The following FAAP20 variants were observed in gnomAD, a reference collection of about 807,000 sequenced individuals.
FAAP20 encodes the protein FA core complex associated protein 20.
FAAP20 carries 12 observed loss-of-function variants against 16.2 expected under a neutral mutation model. The ratio of observed to expected loss-of-function variants is 0.74; its 90% CI spans 0.48 to 1.20. The LOEUF (loss-of-function observed/expected upper bound fraction) is 1.20, where lower values mean the gene tolerates loss of function less well. Ranked by LOEUF, FAAP20 falls within the 50% of genes most tolerant of loss-of-function variation. FAAP20 has a pLI of 0.00. For missense variants in FAAP20, 288 were observed against 245.8 expected, an observed-to-expected ratio of 1.17 and a Z score of -1.15; for synonymous variants, 141 against 110.7, an observed-to-expected ratio of 1.27 and a Z score of -1.72.
At chr1:2,207,352 T>C (rs1434647196), downstream of FAAP20, among the ~76,000 whole-genome samples, 4 of 152,174 alleles carry the variant, frequency 2.6e-5, no homozygotes, top group Non-Finnish European at 5.9e-5. Context: ...TGGGAGAGGC[T>C]GAAGACAGTC....
upstream of FAAP20, among the ~76,000 whole-genome samples, chr1:2,195,136 A>C (rs1688755590): frequency 6.6e-6 from 1 of 152,020 alleles, no homozygotes; most frequent in African/African-American, 2.4e-5. Flanking sequence ...CTCTCCTCCC[A>C]GGACCATTCC....
chr1:2,209,603 G>A (rs932853678), downstream of FAAP20, among the ~76,000 whole-genome samples: 6 of 152,260 alleles, frequency 3.9e-5, no homozygotes, highest in African/African-American at 1.4e-4. Flanking sequence ...GCTCAGGCCA[G>A]GGGCCTCCCG....
downstream of FAAP20, chr1:2,185,037 G>C: frequency 5.7e-6 from 9 of 1,576,730 alleles, no homozygotes; most frequent in Non-Finnish European, 7.8e-6. Flanking sequence ...TCGTGGACAC[G>C]CGTGATTGAC....
downstream of FAAP20, among the ~76,000 whole-genome samples, chr1:2,208,838 A>C (rs934056003): frequency 1.6e-4 from 25 of 152,334 alleles, no homozygotes; most frequent in African/African-American, 5.8e-4. Flanking sequence ...CTGGAAACAA[A>C]GTGTTCAGAA....
At chr1:2,190,255 G>C (rs1343606631) in intron 3 of FAAP20, 2 of 457,036 alleles carry the variant, frequency 4.4e-6, no homozygotes, top group Non-Finnish European at 4.4e-6. Context: ...CTGGCGAGGA[G>C]GGACCAAGCC....
chr1:2,206,494 A>G (rs777649261), intron 2 of FAAP20: 1 of 152,268 alleles, frequency 6.6e-6, no homozygotes, highest in Non-Finnish European at 1.5e-5. Context: ...GAAGTGGGAA[A>G]AGGTCGCTCT....
chr1:2,193,803 C>A lies in FAAP20; in HGVS notation c.306G>T (p.Arg102=), dbSNP rs778090948. The A allele has an allele frequency of 1.2e-6, 2 of 1,604,446 alleles. No homozygotes were observed. Among genetic ancestry groups the A allele is most frequent in the Non-Finnish European group, 1.7e-6 (2 of 1,177,562 alleles). The change falls in exon 3 of 4, where the codon CGG becomes CGT. Residue 102 remains arginine (R), a synonymous_variant. Coordinates refer to ENST00000378546, the MANE Select transcript of FAAP20 (RefSeq NM_182533.4). ...PDLWGPGRSY[R]LLHGAGGHLE... is the part of the protein sequence containing the mutation. The stretch of plus-strand genomic sequence containing the variant: ...GGTGCCCTCCTGCCCCGTGAAGCAG[C>A]CGGTAGGAACGGCCCGGGCCCCACA...
downstream of FAAP20, chr1:2,186,376 C>T (rs112911414): frequency 9.1e-5 from 16 of 176,164 alleles, no homozygotes; most frequent in East Asian, 1.3e-3. Flanking sequence ...GGTGCCACTC[C>T]GTGCCTGGCG....
At chr1:2,199,998 G>C (rs1688983036), upstream of FAAP20, 1 of 151,604 alleles carries the variant, frequency 6.6e-6, no homozygotes, top group African/African-American at 2.4e-5. The surrounding 1 kb of genome is among the most constrained non-coding windows in gnomAD (Gnocchi z 4.5). Flanking sequence ...AGAATCGCTT[G>C]AACCCAGAAG....
upstream of FAAP20, among the ~76,000 whole-genome samples, chr1:2,204,582 G>A (rs1689166106): frequency 6.6e-6 from 1 of 152,178 alleles, no homozygotes; most frequent in Non-Finnish European, 1.5e-5. Flanking sequence ...CTGCTCTGAG[G>A]GCCCCGCCCG....
chr1:2,185,002 C>T (rs749088820), downstream of FAAP20: 2 of 1,612,442 alleles, frequency 1.2e-6, no homozygotes, highest in South Asian at 2.2e-5. Context: ...ACCGAGGAGT[C>T]GGTGTGAGGC....
At chr1:2,202,977 C>T (rs1055298728), upstream of FAAP20, among the ~76,000 whole-genome samples, 1 of 152,182 alleles carries the variant, frequency 6.6e-6, no homozygotes. Flanking sequence ...TGGGGTCCAT[C>T]CTGCAGTGGG....
chr1:2,188,353 C>T (rs1484443275), downstream of FAAP20, among the ~76,000 whole-genome samples: 1 of 152,204 alleles, frequency 6.6e-6, no homozygotes, highest in Non-Finnish European at 1.5e-5. Context: ...GAGAAGCTGC[C>T]TCAAAACCCC....
At chr1:2,189,504 T>C, downstream of FAAP20, 1 of 601,582 alleles carries the variant, frequency 1.7e-6, no homozygotes, top group Non-Finnish European at 3.0e-6. Context: ...TGCACTGCAG[T>C]GAATCTGCCC....
chr1:2,206,870 C>T (rs1328335719), intron 1 of FAAP20, among the ~76,000 whole-genome samples: 8 of 151,530 alleles, frequency 5.3e-5, no homozygotes, highest in Admixed American at 2.0e-4. Flanking sequence ...CCCTGGCCCA[C>T]GAGCCCCAGG....
At chr1:2,195,386 TG>T (rs749420082), upstream of FAAP20, among the ~76,000 whole-genome samples, 14 of 152,304 alleles carry the variant, frequency 9.2e-5, no homozygotes, top group South Asian at 6.2e-4. Flanking sequence ...GGCACCCTGG[TG>T]CCACACTTGG....
At chr1:2,201,286 G>A (rs1689037762), upstream of FAAP20, 1 of 1,128,952 alleles carries the variant, frequency 8.9e-7, no homozygotes, top group Non-Finnish European at 1.1e-6. Context: ...AGAGGGTCAG[G>A]GACACGCACG....
chr1:2,187,872 T>C (rs1235351987), downstream of FAAP20, among the ~76,000 whole-genome samples: 1 of 152,156 alleles, frequency 6.6e-6, no homozygotes, highest in Admixed American at 6.5e-5. Flanking sequence ...TGTGGGGCCA[T>C]GCAGAGGAGC....
chr1:2,187,492 C>T (rs551187599), downstream of FAAP20, among the ~76,000 whole-genome samples: 2 of 151,542 alleles, frequency 1.3e-5, no homozygotes, highest in Non-Finnish European at 1.5e-5. Flanking sequence ...TTAGTAGAGA[C>T]GGGGTTTCAC....
Sources: gnomAD v4.1 joint callset for allele counts (sites outside exome capture counted in the v4.1 genomes callset) on GRCh38, gnomAD v4.1.1 for gene constraint, Gnocchi (gnomAD v3.1) non-coding constraint, MANE v1.5 for transcripts, NCBI Gene and HGNC (gene_info 2026-07-23, HGNC 2026-07-21) for gene names.